The following CAPZA1 variants were observed in gnomAD, a reference collection of about 807,000 sequenced individuals.
The protein encoded by CAPZA1 is F-actin-capping protein subunit alpha-1.
Under a neutral mutation model 40.8 loss-of-function variants are expected in CAPZA1, and 10 were observed. The observed-to-expected ratio is 0.25, with a 90% CI of 0.15 to 0.42. The LOEUF (loss-of-function observed/expected upper bound fraction) is 0.42, where lower values mean the gene tolerates loss of function less well. CAPZA1 is among the 10% of genes least tolerant of loss of function. The pLI, the probability that CAPZA1 is intolerant of heterozygous loss-of-function variation, is 1.00. For synonymous variants in CAPZA1, 98 were observed against 115.0 expected (o/e 0.85, Z 0.95); for missense variants, 277 against 353.8 (o/e 0.78, Z 1.74).
intron 1 of CAPZA1, among the ~76,000 whole-genome samples, chr1:112,623,463 CT>C (rs1670725404): frequency 1.3e-5 from 2 of 151,068 alleles, no homozygotes; most frequent in African/African-American, 2.4e-5. Context: ...GGTGCATCAT[CT>C]GAGGTCGGGA....
chr1:112,662,779 A>C (rs1671645771), intron 7 of CAPZA1, among the ~76,000 whole-genome samples: 1 of 152,198 alleles, frequency 6.6e-6, no homozygotes, highest in African/African-American at 2.4e-5. Flanking sequence ...ATTAAAAAAC[A>C]TAACAGAAGT....
chr1:112,623,401 C>T (rs1389826930), intron 1 of CAPZA1, among the ~76,000 whole-genome samples: 1 of 152,158 alleles, frequency 6.6e-6, no homozygotes, highest in Non-Finnish European at 1.5e-5. Context: ...CTAGGACAGG[C>T]CGGGCCCAGT....
chr1:112,665,178 G>GTTTTT (rs55776312), intron 7 of CAPZA1, among the ~76,000 whole-genome samples: 2 of 128,948 alleles, frequency 1.6e-5, no homozygotes, highest in Admixed American at 8.1e-5. Context: ...GTTTTTTTGT[G>GTTTTT]TTTTTTTTTT....
rs75203074 is a variant in CAPZA1 at position 112,666,190 on chromosome 1, T to C, written c.586-884T>C. On this transcript the variant is annotated intron_variant, in intron 7 of 9. Coordinates refer to ENST00000263168, the MANE Select transcript of CAPZA1 (RefSeq NM_006135.3). Reference sequence around the variant, plus strand: ...TAGCAATGTCTCCTGCCACACTCCTTTTTTACACATATTCATATGCAGTGA... The same window carrying C: ...TAGCAATGTCTCCTGCCACACTCCTCTTTTACACATATTCATATGCAGTGA... Among the ~76,000 whole-genome samples the C allele has an allele frequency of 2.6e-4, 40 of 152,328 alleles. No homozygotes were observed. In the East Asian group the frequency reaches 7.5e-3, roughly 29 times the overall value.
Position 112,644,112 on chromosome 1 carries a change from T to G in CAPZA1, c.40-3098T>G, listed in dbSNP as rs185107256. Among the ~76,000 whole-genome samples, 884 of 151,054 alleles carry G rather than the reference T, an allele frequency of 5.9e-3. 10 individuals carry two copies. Among genetic ancestry groups the G allele is most frequent in the Non-Finnish European group, 5.6e-3 (379 of 67,910 alleles). ...CACCTGCCTCAGCCTCCCAAAGTGC[T>G]GGGATTACAGGCGTGATCTACCACA... On this transcript the variant is annotated intron_variant, in intron 1 of 9. Coordinates refer to ENST00000263168, the MANE Select transcript of CAPZA1 (RefSeq NM_006135.3).
At chr1:112,633,361 C>T (rs970289767) in intron 1 of CAPZA1, among the ~76,000 whole-genome samples, 3 of 152,128 alleles carry the variant, frequency 2.0e-5, no homozygotes, top group East Asian at 1.9e-4. Flanking sequence ...CTGTGTCTGG[C>T]TTATTTCACT....
intron 5 of CAPZA1, among the ~76,000 whole-genome samples, chr1:112,656,600 G>A (rs1213271879): frequency 2.0e-5 from 3 of 151,740 alleles, no homozygotes; most frequent in Admixed American, 6.6e-5. Flanking sequence ...TGAATTTATT[G>A]TTTGTTACCT....
intron 1 of CAPZA1, among the ~76,000 whole-genome samples, chr1:112,638,515 A>G (rs927712862): frequency 6.6e-6 from 1 of 152,060 alleles, no homozygotes; most frequent in Admixed American, 6.5e-5. Flanking sequence ...GGGTTACACC[A>G]TGTTGGCCAG....
chr1:112,661,266 G>C (rs1671602277), intron 7 of CAPZA1, among the ~76,000 whole-genome samples: 1 of 152,282 alleles, frequency 6.6e-6, no homozygotes, highest in Admixed American at 6.5e-5. Flanking sequence ...AGACAGGCTG[G>C]TGTTGAGTTC....
intron 1 of CAPZA1, among the ~76,000 whole-genome samples, chr1:112,626,644 G>A (rs936359446): frequency 6.6e-6 from 1 of 151,922 alleles, no homozygotes; most frequent in East Asian, 1.9e-4. Flanking sequence ...TTTCACTCAG[G>A]ACCTTTTTTT....
intron 3 of CAPZA1, among the ~76,000 whole-genome samples, chr1:112,653,238 G>A (rs1671432842): frequency 6.6e-6 from 1 of 152,194 alleles, no homozygotes. Flanking sequence ...AAACAGATGG[G>A]AAGATCTCTT....
At chr1:112,639,003 T>C (rs1175136351) in intron 1 of CAPZA1, among the ~76,000 whole-genome samples, 1 of 145,756 alleles carries the variant, frequency 6.9e-6, no homozygotes, top group African/African-American at 2.6e-5. Context: ...AATTATATAT[T>C]ATATAATTTT....
At chr1:112,655,552 CTGTTGT>C (rs892822180) in intron 5 of CAPZA1, among the ~76,000 whole-genome samples, 3 of 151,490 alleles carry the variant, frequency 2.0e-5, no homozygotes, top group South Asian at 2.1e-4. Flanking sequence ...GTTGTTTTTG[CTGTTGT>C]TGTTGTTGTT....
chr1:112,667,481 T>C (rs1671746090), intron 8 of CAPZA1, among the ~76,000 whole-genome samples: 1 of 152,196 alleles, frequency 6.6e-6, no homozygotes. Flanking sequence ...TTTATATCAT[T>C]AGAGAAACAA....
At chr1:112,655,593 T>C (rs1262464289) in intron 5 of CAPZA1, among the ~76,000 whole-genome samples, 1 of 152,152 alleles carries the variant, frequency 6.6e-6, no homozygotes, top group Non-Finnish European at 1.5e-5. Flanking sequence ...GACTAAGTCT[T>C]ACTCTGTCAC....
rs746740423 is a variant in CAPZA1, at chr1:112,669,612, A to T, written c.720+7A>T. On this transcript the variant is annotated splice_region_variant and intron_variant, in intron 9 of 9. Transcript: ENST00000263168. Reference sequence around the variant, plus strand: ...TGCAGAAAATGAGTATCAGGTAAGAAGATTTGGAGTTAATTTTCCTAGATC... The same window carrying T: ...TGCAGAAAATGAGTATCAGGTAAGATGATTTGGAGTTAATTTTCCTAGATC... 1 of 1,581,570 alleles carries T rather than the reference A, an allele frequency of 6.3e-7. No homozygotes were observed. The highest frequency in any genetic ancestry group is 8.7e-7 in the Non-Finnish European group (1 of 1,152,026).
At chr1:112,641,436 C>T (rs1160093691) in intron 1 of CAPZA1, among the ~76,000 whole-genome samples, 1 of 151,992 alleles carries the variant, frequency 6.6e-6, no homozygotes, top group Non-Finnish European at 1.5e-5. Context: ...GAAGTAAAAG[C>T]CCTTTTCATT....
At chr1:112,661,321 TAA>T (rs1425555620) in intron 7 of CAPZA1, among the ~76,000 whole-genome samples, 1 of 152,132 alleles carries the variant, frequency 6.6e-6, no homozygotes, top group East Asian at 1.9e-4. Flanking sequence ...AGTTGGTAGA[TAA>T]ATATGGCAGC....
At chr1:112,642,819 GGAATATTAGTATCTT>G (rs150663720) in intron 1 of CAPZA1, among the ~76,000 whole-genome samples, 1,684 of 152,004 alleles carry the variant, frequency 0.011, 41 homozygotes, top group East Asian at 0.094. Flanking sequence ...TGGGACTTCG[GGAATATTAGTATCTT>G]GAATTTTCAG....
Sources: gnomAD v4.1 joint callset for allele counts (sites outside exome capture counted in the v4.1 genomes callset) on GRCh38, gnomAD v4.1.1 for gene constraint, MANE v1.5 for transcripts, NCBI Gene and HGNC (gene_info 2026-07-23, HGNC 2026-07-21) for gene names.